RNF180: variants seen among roughly 807,000 people sequenced by gnomAD.
RNF180 encodes the protein E3 ubiquitin-protein ligase RNF180.
A neutral mutation model predicts 59.2 loss-of-function variants in RNF180; 38 were observed. The observed-to-expected ratio is 0.64, with a 90% CI of 0.50 to 0.84. The LOEUF (loss-of-function observed/expected upper bound fraction) is 0.84, where lower values mean the gene tolerates loss of function less well. RNF180 is among the 40% of genes least tolerant of loss of function. RNF180 has a pLI of 0.00. For missense variants in RNF180, 705 were observed against 700.9 expected (o/e 1.01, Z -0.07); for synonymous variants, 262 against 240.3 (o/e 1.09, Z -0.84).
intron 2 of RNF180, 131 bp downstream of exon 2, chr5:64,201,073 C>G (rs1751719735): frequency 1.4e-6 from 1 of 702,402 alleles, no homozygotes; most frequent in Non-Finnish European, 2.2e-6. Context: ...CTCTTTGTCT[C>G]TCACCTTATT....
At chr5:64,260,221 A>T (rs1744248163) in intron 5 of RNF180, among the ~76,000 whole-genome samples, 1 of 152,142 alleles carries the variant, frequency 6.6e-6, no homozygotes, top group African/African-American at 2.4e-5. Context: ...CCTCAAATTA[A>T]TGGGCCCTCG....
intron 1 of RNF180, among the ~76,000 whole-genome samples, chr5:64,172,387 C>T (rs757627226): frequency 6.6e-6 from 1 of 152,068 alleles, no homozygotes; most frequent in Non-Finnish European, 1.5e-5. Flanking sequence ...CCCCACCCCC[C>T]ACAAGGAATG....
chr5:64,196,215 C>G (rs1001864102), intron 1 of RNF180, among the ~76,000 whole-genome samples: 7 of 150,912 alleles, frequency 4.6e-5, no homozygotes, highest in Non-Finnish European at 8.8e-5. Context: ...CCACCATTAA[C>G]GCTTTCGGAT....
At chr5:64,279,805 A>G (rs1348590041) in intron 5 of RNF180, among the ~76,000 whole-genome samples, 1 of 152,142 alleles carries the variant, frequency 6.6e-6, no homozygotes, top group Non-Finnish European at 1.5e-5. Flanking sequence ...AATATAGTCC[A>G]TTTTTGGCCA....
At chr5:64,214,700 T>C (rs1371028526) in intron 4 of RNF180, among the ~76,000 whole-genome samples, 183 bp downstream of exon 4, 1 of 152,132 alleles carries the variant, frequency 6.6e-6, no homozygotes, top group Non-Finnish European at 1.5e-5. Context: ...TATAACCCAG[T>C]CTCTATGCTT....
At chr5:64,187,646 C>T (rs1173521801) in intron 1 of RNF180, among the ~76,000 whole-genome samples, 3 of 152,130 alleles carry the variant, frequency 2.0e-5, no homozygotes, top group African/African-American at 7.2e-5. Flanking sequence ...CACCTGACAC[C>T]GTCTATTTGT....
In RNF180 at chr5:64,279,442, G is replaced by A. The variant is rs536309505; in HGVS notation, c.1228-45744G>A. 5.9e-5 allele frequency among the ~76,000 whole-genome samples: 9 copies of A among 152,134 alleles called. No homozygotes were observed. The South Asian group carries it at 1.5e-3, about 25-fold the overall frequency. Reference sequence around the variant, plus strand: ...TCCAGAGAGGGGTTTTTCTGTTGTTGTTTTTTGTTTGTTTTTTGTTTTTTG... The same window carrying A: ...TCCAGAGAGGGGTTTTTCTGTTGTTATTTTTTGTTTGTTTTTTGTTTTTTG... On this transcript the variant is annotated intron_variant, in intron 5 of 7. Transcript: ENST00000389100.
intron 1 of RNF180, among the ~76,000 whole-genome samples, chr5:64,185,876 G>A (rs191873212): frequency 6.6e-6 from 1 of 152,220 alleles, no homozygotes; most frequent in East Asian, 1.9e-4. Context: ...GATGAACAAA[G>A]GTATCAGATG....
chr5:64,343,864 A>G (rs1745453051), intron 7 of RNF180, among the ~76,000 whole-genome samples: 1 of 151,700 alleles, frequency 6.6e-6, no homozygotes, highest in South Asian at 2.1e-4. Flanking sequence ...TCTTTAGGGC[A>G]AAAGGATCCT....
At chr5:64,202,506 A>G (rs1751804683) in intron 2 of RNF180, among the ~76,000 whole-genome samples, 1 of 152,126 alleles carries the variant, frequency 6.6e-6, no homozygotes, top group Non-Finnish European at 1.5e-5. Context: ...TATGCATAGG[A>G]ATGGATTTTT....
chr5:64,363,049 T>A (rs1367503296), intron 7 of RNF180, among the ~76,000 whole-genome samples: 2 of 151,878 alleles, frequency 1.3e-5, no homozygotes, highest in Non-Finnish European at 2.9e-5. Context: ...GGTTGTCTTT[T>A]TATTCTGTTA....
chr5:64,357,857 T>C (rs1264543328), intron 7 of RNF180, among the ~76,000 whole-genome samples: 1 of 151,884 alleles, frequency 6.6e-6, no homozygotes, highest in Non-Finnish European at 1.5e-5. Context: ...ATCACTCTGA[T>C]GTAAAATTAT....
chr5:64,341,786 T>TTTCATCCTGAGGATGAAACCATGCA (rs956185914), intron 7 of RNF180, among the ~76,000 whole-genome samples: 3 of 152,164 alleles, frequency 2.0e-5, no homozygotes, highest in African/African-American at 7.2e-5. Context: ...TCCATGTCAG[T>TTTCATCCTGAGGATGAAACCATGCA]GCAATGGCTG....
intron 1 of RNF180, among the ~76,000 whole-genome samples, chr5:64,184,961 C>A (rs1579950340): frequency 2.0e-5 from 3 of 152,304 alleles, no homozygotes; most frequent in East Asian, 3.9e-4. Flanking sequence ...ACATTTAAAT[C>A]TTTTGTTCAG....
At chr5:64,176,796 A>G (rs1398309802) in intron 1 of RNF180, among the ~76,000 whole-genome samples, 1 of 152,178 alleles carries the variant, frequency 6.6e-6, no homozygotes, top group Non-Finnish European at 1.5e-5. Flanking sequence ...ATCCTTGGTA[A>G]AATTGCTGAA....
Position 64,213,838 on chromosome 5 carries a change from A to T in RNF180, c.512A>T (p.Asn171Ile), listed in dbSNP as rs938796768. Residue 171 changes from asparagine to isoleucine, a missense_variant, in exon 4 of 8, where the codon AAT (asparagine) becomes ATT (isoleucine). Asn to Ile is a moderately radical substitution (Grantham distance 149, BLOSUM62 -3). Transcript: ENST00000389100. ...RNHRLLNMAR[N>I]NNDPGRLTEA... ...CACAGGCTTTTAAACATGGCCCGAA[A>T]TAATAATGACCCTGGAAGATTAACA... 2.5e-6 allele frequency: 4 copies of T among 1,614,132 alleles called. No individual in the cohort carries two copies. The African/African-American group carries it at 5.3e-5, about 22-fold the overall frequency.
chr5:64,173,584 T>C (rs1750060504), intron 1 of RNF180, among the ~76,000 whole-genome samples: 1 of 152,180 alleles, frequency 6.6e-6, no homozygotes, highest in Non-Finnish European at 1.5e-5. Context: ...TGTACGTAAC[T>C]GCAAGTTCGT....
chr5:64,350,732 T>C (rs1424270439), intron 7 of RNF180, among the ~76,000 whole-genome samples: 2 of 152,128 alleles, frequency 1.3e-5, no homozygotes, highest in Non-Finnish European at 2.9e-5. Flanking sequence ...TGTGTGGTAT[T>C]ATTTCTGAGG....
chr5:64,229,031 C>A (rs1309953169), intron 5 of RNF180, among the ~76,000 whole-genome samples: 1 of 149,672 alleles, frequency 6.7e-6, no homozygotes, highest in African/African-American at 2.5e-5. Flanking sequence ...AAGTGATCCT[C>A]TCACCTCAGC....
Sources: gnomAD v4.1 joint callset for allele counts (sites outside exome capture counted in the v4.1 genomes callset) on GRCh38, gnomAD v4.1.1 for gene constraint, MANE v1.5 for transcripts, NCBI Gene and HGNC (gene_info 2026-07-23, HGNC 2026-07-21) for gene names.